Variants in CEP97 observed in about 807,000 individuals in gnomAD.
CEP97 encodes the protein centrosomal protein 97.
CEP97 carries 43 observed loss-of-function variants against 73.1 expected under a neutral mutation model. The observed-to-expected ratio is 0.59, with a 90% confidence interval of 0.46 to 0.76. CEP97 has a LOEUF of 0.76. Among genes scored for constraint, CEP97 ranks in the 30% least tolerant of loss-of-function variants. The probability of loss-of-function intolerance (pLI) is 0.00; values close to 1 mark genes in which losing one functional copy is unlikely to be tolerated. For synonymous variants in CEP97, 337 were observed against 370.0 expected (o/e 0.91, Z 1.02); for missense variants, 939 against 1,014.0 (o/e 0.93, Z 1.00).
intron 6 of CEP97, among the ~76,000 whole-genome samples, chr3:101,754,421 TAGAAAC>T (rs1390079300): frequency 6.6e-6 from 1 of 152,228 alleles, no homozygotes; most frequent in Non-Finnish European, 1.5e-5. Context: ...TTTTGTATCT[TAGAAAC>T]AGAATTCAAA....
intron 6 of CEP97, among the ~76,000 whole-genome samples, chr3:101,743,981 G>A (rs1443101508): frequency 3.3e-4 from 48 of 145,188 alleles, no homozygotes; most frequent in Non-Finnish European, 5.2e-4. Context: ...TCTAGCCTGG[G>A]CAACAAGAGT....
Position 101,731,966 on chromosome 3 carries a change from G to T in CEP97, c.561+13G>T, listed in dbSNP as rs776072662. Reference sequence around the variant, plus strand: ...AGACTTAAATGAGGTAAAATTTGAGGGTATTTTGTGAGATTCAGGAAGCTG... The same window carrying T: ...AGACTTAAATGAGGTAAAATTTGAGTGTATTTTGTGAGATTCAGGAAGCTG... On this transcript the variant is annotated intron_variant, in intron 5 of 10. Coordinates refer to ENST00000341893, the MANE Select transcript of CEP97 (RefSeq NM_024548.4). The T allele has an allele frequency of 9.7e-6, 14 of 1,446,350 alleles. No homozygotes were observed. The highest frequency in any genetic ancestry group is 1.7e-5 in the Admixed American group (1 of 59,386). 89.6% of individuals were successfully genotyped at this position (1,446,350 alleles called of 1,614,324 possible). A position where few individuals can be genotyped will look rare whatever the true frequency, so the allele number is the denominator to read the frequency against.
In CEP97 at chr3:101,757,171, A is replaced by T. The variant is rs377071978; in HGVS notation, c.1002A>T (p.Gln334His). Residue 334 changes from glutamine (Q) to histidine (H), a missense_variant, in exon 8 of 11, where the codon CAA (glutamine) becomes CAT (histidine). Physicochemically the swap from Gln to His is conservative, Grantham distance 24 (BLOSUM62 0). Transcript: ENST00000341893. ...SLIPEHSSPV[Q>H]DCQISQESEP... is the part of the protein sequence containing the mutation. ...TTCCTGAGCATTCAAGCCCTGTTCA[A>T]GATTGCCAGATATCCCAGGAAAGTG... 54 of 1,608,280 alleles carry T rather than the reference A, an allele frequency of 3.4e-5. No individual in the cohort carries two copies. Among genetic ancestry groups the T allele is most frequent in the Non-Finnish European group, 4.3e-5 (51 of 1,178,514 alleles).
chr3:101,752,455 G>A (rs1417096157), intron 6 of CEP97, among the ~76,000 whole-genome samples: 1 of 152,100 alleles, frequency 6.6e-6, no homozygotes, highest in Admixed American at 6.6e-5. Flanking sequence ...TTGCTAGATT[G>A]GGGAAGTTCT....
Position 101,765,121 on chromosome 3 carries a change from G to T in CEP97, c.2168G>T (p.Ser723Ile), listed in dbSNP as rs748839208. 5.0e-6 allele frequency: 8 copies of T among 1,614,054 alleles called. No individual in the cohort carries two copies. The Admixed American group carries it at 1.3e-4, about 27-fold the overall frequency. Residue 723 changes from serine to isoleucine, a missense_variant, in exon 11 of 11, where the codon AGT (serine) becomes ATT (isoleucine). Ser to Ile is a moderately radical substitution (Grantham distance 142, BLOSUM62 -2). Transcript: ENST00000341893. ...SLQHSLDFEK[S>I]STEGSESSIM... Reference sequence around the variant, plus strand: ...CAGCATTCTTTGGATTTTGAGAAAAGTTCCACAGAAGGCAGTGAAAGCTCC... The same window carrying T: ...CAGCATTCTTTGGATTTTGAGAAAATTTCCACAGAAGGCAGTGAAAGCTCC...
intron 6 of CEP97, among the ~76,000 whole-genome samples, chr3:101,752,682 G>A (rs978175542): frequency 9.8e-4 from 149 of 152,074 alleles, no homozygotes; most frequent in Middle Eastern, 3.4e-3. Flanking sequence ...CCAGTTGATC[G>A]CATCGGCTCC....
intron 7 of CEP97, 126 bp from the exon 8 acceptor site, chr3:101,756,937 A>G (rs1939020601): frequency 7.5e-6 from 6 of 801,612 alleles, no homozygotes; most frequent in Non-Finnish European, 1.2e-5. Context: ...ATAATTTGGC[A>G]TTAATTAAAA....
intron 6 of CEP97, among the ~76,000 whole-genome samples, chr3:101,755,009 C>T (rs1027567299): frequency 6.6e-6 from 1 of 151,846 alleles, no homozygotes; most frequent in African/African-American, 2.4e-5. Flanking sequence ...ATCCTCCCAC[C>T]CCAACTCCTG....
intron 1 of CEP97, 29 bp downstream of exon 1, chr3:101,724,748 G>A: frequency 6.2e-7 from 1 of 1,612,458 alleles, no homozygotes; most frequent in Non-Finnish European, 8.5e-7. Context: ...CGAGTCCTAA[G>A]GTTTACTTCA....
Position 101,769,708 on chromosome 3 carries a change from A to G in CEP97, c.*4157A>G, listed in dbSNP as rs1939412587. 2.0e-5 allele frequency: 3 copies of G among 152,190 alleles called. No individual in the cohort carries two copies. The South Asian group carries it at 6.2e-4, about 31-fold the overall frequency. The allele number at this position is 152,190 out of a possible 1,614,324, so 9.4% of individuals were successfully genotyped here. A position where few individuals can be genotyped will look rare whatever the true frequency, so the allele number is the denominator to read the frequency against. On this transcript the variant is annotated 3_prime_UTR_variant, in exon 11 of 11. Transcript: ENST00000341893. ...ATTTTGCCACATACCTTTAAAAGGT[A>G]TTTATTGTGTCATAATGTTTTAAAT...
chr3:101,753,662 G>A (rs1439298412), intron 6 of CEP97, among the ~76,000 whole-genome samples: 1 of 152,224 alleles, frequency 6.6e-6, no homozygotes, highest in Non-Finnish European at 1.5e-5. Flanking sequence ...TCAGAGTGCT[G>A]TGCTAGCAAT....
intron 6 of CEP97, among the ~76,000 whole-genome samples, chr3:101,754,563 A>C (rs1343511375): frequency 6.6e-6 from 1 of 152,186 alleles, no homozygotes; most frequent in Non-Finnish European, 1.5e-5. Context: ...CTGACTGAGC[A>C]GTTCTTTCTT....
At chr3:101,745,616 A>T (rs1450027695) in intron 6 of CEP97, among the ~76,000 whole-genome samples, 1 of 152,008 alleles carries the variant, frequency 6.6e-6, no homozygotes, top group Non-Finnish European at 1.5e-5. Context: ...ACAAAGTTAG[A>T]ATAACATAAT....
rs1389422712 is a variant in CEP97, at chr3:101,765,268, T to A, written c.2315T>A (p.Leu772His). ...SSNNEQDNSL[L>H]EQYLTSVQQL... ...AATAACGAGCAGGACAATAGTCTGC[T>A]TGAACAGTATTTAACTTCAGTTCAA... The change falls in exon 11 of 11, where the codon CTT (leucine) becomes CAT (histidine). Residue 772 changes from leucine (L) to histidine (H), a missense_variant. By Grantham distance (99) the Leu-to-His change is moderately conservative. Transcript: ENST00000341893. The A allele has an allele frequency of 6.2e-7, 1 of 1,614,214 alleles. No individual in the cohort carries two copies. The highest frequency in any genetic ancestry group is 1.1e-5 in the South Asian group (1 of 91,090).
chr3:101,757,134 G>A lies in CEP97; in HGVS notation c.965G>A (p.Arg322Lys). Reference sequence around the variant, plus strand: ...TCTCCTCTTGTTCCTGTTGAAACAAGGGCATCCCTTATTCCTGAGCATTCA... The same window carrying A: ...TCTCCTCTTGTTCCTGTTGAAACAAAGGCATCCCTTATTCCTGAGCATTCA... ...ELSPLVPVET[R>K]ASLIPEHSSP... Residue 322 changes from arginine (R) to lysine (K), a missense_variant, in exon 8 of 11, where the codon AGG becomes AAG. Physicochemically the swap from Arg to Lys is conservative, Grantham distance 26. Transcript: ENST00000341893. 1.2e-6 allele frequency: 2 copies of A among 1,613,434 alleles called. No individual in the cohort carries two copies. The highest frequency in any genetic ancestry group is 8.5e-7 in the Non-Finnish European group (1 of 1,179,802).
chr3:101,757,920 A>T lies in CEP97; in HGVS notation c.1314A>T (p.Glu438Asp), dbSNP rs778631146. 1 of 1,614,238 alleles carries T rather than the reference A, an allele frequency of 6.2e-7. No individual in the cohort carries two copies. Among genetic ancestry groups the T allele is most frequent in the Non-Finnish European group, 8.5e-7 (1 of 1,180,038 alleles). ...TAGAAGATGATGGTGTTGCAGATGA[A>T]TCTGTGAAAGGGCTGGAAAGCCAGG... The part of the protein sequence containing the change: ...LGLEDDGVAD[E>D]SVKGLESQVL... Residue 438 changes from glutamate (E) to aspartate (D), a missense_variant, in exon 9 of 11, where the codon GAA becomes GAT. Transcript: ENST00000341893.
chr3:101,749,093 A>AC (rs2107168321), intron 6 of CEP97, among the ~76,000 whole-genome samples: 1 of 151,146 alleles, frequency 6.6e-6, no homozygotes, highest in Non-Finnish European at 1.5e-5. Flanking sequence ...TGCGGCACCC[A>AC]TTAACTCGTC....
At chr3:101,749,274 T>G (rs532190017) in intron 6 of CEP97, among the ~76,000 whole-genome samples, 17 of 151,712 alleles carry the variant, frequency 1.1e-4, no homozygotes, top group African/African-American at 4.1e-4. Flanking sequence ...GATAGTTTAC[T>G]GAGAATGATA....
chr3:101,747,210 T>A (rs533555787), intron 6 of CEP97, among the ~76,000 whole-genome samples: 2 of 152,100 alleles, frequency 1.3e-5, no homozygotes, highest in East Asian at 3.9e-4. Context: ...AATCATGCTG[T>A]TGGAGCATTT....
Sources: gnomAD v4.1 joint callset for allele counts (sites outside exome capture counted in the v4.1 genomes callset) on GRCh38, gnomAD v4.1.1 for gene constraint, MANE v1.5 for transcripts, NCBI Gene and HGNC (gene_info 2026-07-23, HGNC 2026-07-21) for gene names.